Variants in NCR1 observed in about 807,000 individuals in gnomAD.
NCR1 encodes the protein NK cell-activating receptor.
In NCR1, 30 loss-of-function variants were observed where a neutral mutation model predicts 32.5. The ratio of observed to expected loss-of-function variants is 0.92; its 90% CI spans 0.69 to 1.25. The LOEUF (loss-of-function observed/expected upper bound fraction) is 1.25. Ranked by LOEUF, NCR1 falls within the 50% of genes most tolerant of loss-of-function variation. The probability of loss-of-function intolerance (pLI) is 0.00; values close to 1 mark genes in which losing one functional copy is unlikely to be tolerated. For missense variants in NCR1, 369 were observed against 380.7 expected (o/e 0.97, Z 0.26); for synonymous variants, 169 against 143.4 (o/e 1.18, Z -1.28).
chr19:54,927,757 G>A, the NCR1 span: 1 of 1,614,052 alleles, frequency 6.2e-7, no homozygotes, highest in Non-Finnish European at 8.5e-7. Flanking sequence ...AGAAAGGCAT[G>A]AGGGAGCAGC....
At chr19:54,917,076 C>A (rs115574891), downstream of NCR1, among the ~76,000 whole-genome samples, 1 of 151,898 alleles carries the variant, frequency 6.6e-6, no homozygotes, top group Non-Finnish European at 1.5e-5. Flanking sequence ...GTATTTGACA[C>A]GTTGACCACT....
the NCR1 span, among the ~76,000 whole-genome samples, chr19:54,935,309 A>T: frequency 6.6e-6 from 1 of 152,004 alleles, no homozygotes; most frequent in South Asian, 2.1e-4. Context: ...AGGTCACCAC[A>T]ACCTGTCTCC....
At chr19:54,914,179 C>CTTTT (rs901003519), downstream of NCR1, among the ~76,000 whole-genome samples, 1 of 92,626 alleles carries the variant, frequency 1.1e-5, no homozygotes, top group Non-Finnish European at 2.0e-5. Flanking sequence ...TTTTTTTTTT[C>CTTTT]TTTTTTTTTG....
the NCR1 span, among the ~76,000 whole-genome samples, chr19:54,931,162 G>C: frequency 3.3e-5 from 5 of 152,124 alleles, no homozygotes; most frequent in African/African-American, 4.8e-5. Context: ...AGTGGCTCAC[G>C]CCTATAATCA....
downstream of NCR1, chr19:54,916,267 C>G (rs1258875419): frequency 2.0e-5 from 3 of 150,438 alleles, no homozygotes; most frequent in Non-Finnish European, 4.4e-5. Context: ...TAATCGCCAT[C>G]CCATATATCA....
At chr19:54,933,317 T>C in the NCR1 span, among the ~76,000 whole-genome samples, 1 of 152,096 alleles carries the variant, frequency 6.6e-6, no homozygotes, top group Non-Finnish European at 1.5e-5. Context: ...GGCTAATTTT[T>C]GGTATTTTTA....
chr19:54,915,194 G>A (rs946863278), downstream of NCR1, among the ~76,000 whole-genome samples: 8 of 152,012 alleles, frequency 5.3e-5, no homozygotes, highest in Admixed American at 3.9e-4. Flanking sequence ...CACAGCTCCC[G>A]CAACTATAAC....
chr19:54,934,552 T>A, the NCR1 span: 1 of 1,614,118 alleles, frequency 6.2e-7, no homozygotes, highest in East Asian at 2.2e-5. The surrounding 1 kb of genome is among the most constrained non-coding windows in gnomAD (Gnocchi z 6.7). Flanking sequence ...GGCACCCTCA[T>A]CCAGGAGCAC....
chr19:54,913,885 T>C (rs2068077154), downstream of NCR1, among the ~76,000 whole-genome samples: 1 of 152,036 alleles, frequency 6.6e-6, no homozygotes, highest in Non-Finnish European at 1.5e-5. Flanking sequence ...CTGGCCAACA[T>C]GGTGAAACCA....
the NCR1 span, among the ~76,000 whole-genome samples, chr19:54,930,190 G>T: frequency 6.6e-6 from 1 of 151,624 alleles, no homozygotes; most frequent in Admixed American, 6.6e-5. Flanking sequence ...AATGAGGCCA[G>T]GCATGATGGC....
chr19:54,934,362 G>C, the NCR1 span: 2 of 933,582 alleles, frequency 2.1e-6, no homozygotes, highest in Non-Finnish European at 3.6e-6. This position sits in a 1 kb window ranked among gnomAD's most constrained non-coding sequence, Gnocchi z 6.7. Context: ...CCACCGTGCC[G>C]GGCCTGAAGC....
the NCR1 span, among the ~76,000 whole-genome samples, chr19:54,900,985 T>G: frequency 7.9e-5 from 12 of 151,930 alleles, 1 homozygote; most frequent in Admixed American, 7.2e-4. Context: ...AAAGTTATAT[T>G]TTTAAATACC....
At chr19:54,920,038 TACTC>T (rs1414380171), downstream of NCR1, among the ~76,000 whole-genome samples, 1 of 152,236 alleles carries the variant, frequency 6.6e-6, no homozygotes, top group Non-Finnish European at 1.5e-5. Flanking sequence ...TGATTAATGA[TACTC>T]ATATATAATC....
the NCR1 span, chr19:54,930,429 T>C: frequency 8.8e-7 from 1 of 1,130,712 alleles, no homozygotes; most frequent in Non-Finnish European, 1.3e-6. Flanking sequence ...CCCACTGCAC[T>C]CCAGGCTGGG....
the NCR1 span, chr19:54,934,358 T>C: frequency 9.9e-6 from 9 of 910,852 alleles, no homozygotes; most frequent in South Asian, 1.0e-4. The surrounding 1 kb of genome is among the most constrained non-coding windows in gnomAD (Gnocchi z 6.7). Flanking sequence ...GGAGCCACCG[T>C]GCCGGGCCTG....
chr19:54,903,266 G>GTATATA (rs144894651), upstream of NCR1, among the ~76,000 whole-genome samples: 2 of 133,300 alleles, frequency 1.5e-5, no homozygotes, highest in Admixed American at 8.4e-5. Context: ...TACCTTACAT[G>GTATATA]TATATATATA....
At chr19:54,901,123 G>GGAAAAAA in the NCR1 span, among the ~76,000 whole-genome samples, 5 of 101,568 alleles carry the variant, frequency 4.9e-5, no homozygotes, top group Non-Finnish European at 9.3e-5. Context: ...TCTCTACTTT[G>GGAAAAAA]AAAAAAAAAA....
chr19:54,899,441 AG>A, the NCR1 span, among the ~76,000 whole-genome samples: 1 of 151,906 alleles, frequency 6.6e-6, no homozygotes, highest in Non-Finnish European at 1.5e-5. Flanking sequence ...CATGGAGGGA[AG>A]GGGTTCAGGG....
chr19:54,912,195 C>G lies in NCR1; in HGVS notation c.710C>G (p.Thr237Ser). The G allele has an allele frequency of 2.5e-6, 4 of 1,613,942 alleles. No homozygotes were observed. Among genetic ancestry groups the G allele is most frequent in the Non-Finnish European group, 3.4e-6 (4 of 1,179,908 alleles). The change falls in exon 6 of 7, where the codon ACC becomes AGC. Residue 237 changes from threonine (T) to serine (S), a missense_variant. Coordinates refer to ENST00000291890, the MANE Select transcript of NCR1 (RefSeq NM_004829.7). Reference sequence around the variant, plus strand: ...GACACTTGGGGCACCTACCTTTTAACCACAGAGACGGGACTCCAGAAAGGT... The same window carrying G: ...GACACTTGGGGCACCTACCTTTTAAGCACAGAGACGGGACTCCAGAAAGGT... ...PADTWGTYLL[T>S]TETGLQKDHA...
Sources: allele counts gnomAD v4.1 joint callset (sites outside exome capture counted in the v4.1 genomes callset), GRCh38; gene constraint gnomAD v4.1.1; non-coding constraint Gnocchi (gnomAD v3.1); transcripts MANE v1.5; gene names NCBI Gene and HGNC (gene_info 2026-07-23, HGNC 2026-07-21).